NAA16: variants seen among roughly 807,000 people sequenced by gnomAD.
NAA16 encodes N-alpha-acetyltransferase 16, NatA auxiliary subunit.
In NAA16, 97 loss-of-function variants were observed where a neutral mutation model predicts 110.3. The ratio of observed to expected loss-of-function variants is 0.88; its 90% CI spans 0.75 to 1.04. The LOEUF is 1.04. Ranked by LOEUF, NAA16 falls within the 50% of genes least tolerant of loss-of-function variation. The probability of loss-of-function intolerance (pLI) is 0.00; values close to 1 mark genes in which losing one functional copy is unlikely to be tolerated. For synonymous variants in NAA16, 372 were observed against 330.6 expected (o/e 1.13, Z -1.36); for missense variants, 1,017 against 1,005.1 (o/e 1.01, Z -0.16).
At chr13:41,318,738 G>T (rs759331441) in intron 2 of NAA16, 68 bp from the exon 3 acceptor site, 1 of 700,132 alleles carries the variant, frequency 1.4e-6, no homozygotes. Context: ...AACTATTAAA[G>T]TACTATTAAG....
At chr13:41,320,330 G>C (rs1383487351) in intron 3 of NAA16, among the ~76,000 whole-genome samples, 1 of 152,164 alleles carries the variant, frequency 6.6e-6, no homozygotes, top group African/African-American at 2.4e-5. Flanking sequence ...AAAGTGATGG[G>C]ATAGAGGGTA....
At chr13:41,316,972 C>T in intron 2 of NAA16, 42 bp downstream of exon 2, 1 of 1,345,856 alleles carries the variant, frequency 7.4e-7, no homozygotes, top group Non-Finnish European at 1.1e-6. Flanking sequence ...AAATCAAATT[C>T]TAAAACCAGG....
At chr13:41,374,865 T>G in intron 19 of NAA16, 26 bp downstream of exon 19, 1 of 1,394,740 alleles carries the variant, frequency 7.2e-7, no homozygotes, top group Non-Finnish European at 1.0e-6. Flanking sequence ...TTGGCTGATT[T>G]ATGCTTACAC....
intron 8 of NAA16, among the ~76,000 whole-genome samples, chr13:41,335,236 T>C (rs961597368): frequency 2.4e-4 from 33 of 138,862 alleles, no homozygotes; most frequent in African/African-American, 8.9e-4. Flanking sequence ...AAGAGACATT[T>C]ATTGAGTGAT....
intron 16 of NAA16, 151 bp downstream of exon 16, chr13:41,372,462 G>A: frequency 7.4e-7 from 1 of 1,345,012 alleles, no homozygotes; most frequent in East Asian, 2.8e-5. Context: ...ACTTAGGTGG[G>A]TAATAAATTA....
At chr13:41,336,232 T>G (rs2042378685) in intron 8 of NAA16, among the ~76,000 whole-genome samples, 1 of 152,116 alleles carries the variant, frequency 6.6e-6, no homozygotes, top group South Asian at 2.1e-4. Context: ...GTACCTGGCA[T>G]GTAGTAAGTG....
In NAA16 at chr13:41,376,599, G is replaced by A. The variant is rs1225203991; in HGVS notation, c.*997G>A. The A allele has an allele frequency of 2.6e-5, 4 of 152,178 alleles. No homozygotes were observed. Among genetic ancestry groups the A allele is most frequent in the African/African-American group, 9.7e-5 (4 of 41,434 alleles). The allele number at this position is 152,178 out of a possible 1,614,324, so 9.4% of individuals were successfully genotyped here. A position where few individuals can be genotyped will look rare whatever the true frequency, so the allele number is the denominator to read the frequency against. ...TGAGTATTAACAAGTAGCTTATACT[G>A]AGGTGTGCTTCAAGGGAGCATTATA... is the stretch of plus-strand genomic sequence containing the variant. On this transcript the variant is annotated 3_prime_UTR_variant, in exon 20 of 20. Transcript: ENST00000379406.
At chr13:41,353,047 C>T (rs190747469) in intron 9 of NAA16, among the ~76,000 whole-genome samples, 2 of 152,158 alleles carry the variant, frequency 1.3e-5, no homozygotes, top group Admixed American at 1.3e-4. Context: ...ACCCAAGAGG[C>T]GGAGGTTGCG....
At chr13:41,341,310 T>C (rs2042540116) in intron 9 of NAA16, among the ~76,000 whole-genome samples, 1 of 152,234 alleles carries the variant, frequency 6.6e-6, no homozygotes, top group South Asian at 2.1e-4. Flanking sequence ...TCTAACTTAA[T>C]TTTTTGTGGA....
chr13:41,364,881 C>G (rs969953362), intron 13 of NAA16, among the ~76,000 whole-genome samples: 3 of 152,036 alleles, frequency 2.0e-5, no homozygotes, highest in Non-Finnish European at 4.4e-5. Flanking sequence ...TTGCCTTTCT[C>G]TGTATAAGCT....
At chr13:41,367,675 G>C (rs763298148) in intron 14 of NAA16, 23 bp downstream of exon 14, 1 of 1,492,226 alleles carries the variant, frequency 6.7e-7, no homozygotes, top group Non-Finnish European at 9.2e-7. Flanking sequence ...GAACTTAAAA[G>C]ATTTTAAAAG....
At chr13:41,324,134 G>A (rs561852560) in intron 5 of NAA16, among the ~76,000 whole-genome samples, 12 of 152,052 alleles carry the variant, frequency 7.9e-5, no homozygotes, top group African/African-American at 2.9e-4. Context: ...ACTCTCTTAA[G>A]GGAGGAAATA....
At position 41,369,110 on chromosome 13, in the gene NAA16, T is replaced by A. The variant is rs1208228106; in HGVS notation, c.1774T>A (p.Leu592Met). The change falls in exon 15 of 20, where the codon TTG (leucine) becomes ATG (methionine). Residue 592 changes from leucine (L) to methionine (M), a missense_variant. By Grantham distance (15) the Leu-to-Met change is conservative (BLOSUM62 2). Transcript: ENST00000379406. ...INSENLSAKE[L>M]KKMLSKQRRA... is the part of the protein sequence containing the mutation. ...TATAGAAAACTTGTCAGCCAAAGAA[T>A]TGAAGAAAATGCTTAGCAAGCAGAG... 2 of 1,563,414 alleles carry A rather than the reference T, an allele frequency of 1.3e-6. No homozygotes were observed. The highest frequency in any genetic ancestry group is 1.7e-6 in the Non-Finnish European group (2 of 1,165,006).
At chr13:41,373,547 C>G (rs550352436) in intron 17 of NAA16, 90 bp from the exon 18 acceptor site, 18 of 1,399,632 alleles carry the variant, frequency 1.3e-5, no homozygotes, top group East Asian at 2.7e-5. Flanking sequence ...CGTGAGCCAC[C>G]GCGCCCAGCC....
At chr13:41,311,726 C>CG in intron 1 of NAA16, 144 bp downstream of exon 1, 1 of 748,620 alleles carries the variant, frequency 1.3e-6, no homozygotes, top group Non-Finnish European at 2.1e-6. Context: ...TCGCGGGACC[C>CG]CACTTTCCCG....
intron 13 of NAA16, among the ~76,000 whole-genome samples, chr13:41,363,497 A>G (rs140891714): frequency 6.6e-6 from 1 of 152,226 alleles, no homozygotes; most frequent in East Asian, 1.9e-4. Flanking sequence ...TGATGACTAT[A>G]TTGCTTTGTT....
At chr13:41,373,190 C>T (rs2043356480) in intron 17 of NAA16, 1 of 864,050 alleles carries the variant, frequency 1.2e-6, no homozygotes, top group African/African-American at 1.8e-5. Context: ...TATTTATATT[C>T]CAAAGGAAGA....
intron 8 of NAA16, among the ~76,000 whole-genome samples, chr13:41,333,817 T>C (rs1209019616): frequency 6.6e-6 from 1 of 152,024 alleles, no homozygotes; most frequent in Non-Finnish European, 1.5e-5. Context: ...GGGTAGGAAA[T>C]ATATTTTTAC....
intron 9 of NAA16, among the ~76,000 whole-genome samples, chr13:41,350,297 GTT>G (rs71086566): frequency 4.5e-4 from 57 of 127,360 alleles, no homozygotes; most frequent in Admixed American, 9.4e-4. Context: ...AATCAGTTTT[GTT>G]TTTTTTTTTT....
Sources: allele counts gnomAD v4.1 joint callset (sites outside exome capture counted in the v4.1 genomes callset), GRCh38; gene constraint gnomAD v4.1.1; transcripts MANE v1.5; gene names NCBI Gene and HGNC (gene_info 2026-07-23, HGNC 2026-07-21).